The following EYS variants were observed in gnomAD, a reference collection of about 807,000 sequenced individuals.
EYS encodes EGF-like photoreceptor maintenance factor, also known as protein eyes shut homolog.
EYS carries 250 observed loss-of-function variants against 282.1 expected under a neutral mutation model. That is an observed-to-expected ratio of 0.89 (90% CI 0.80 to 0.98). The LOEUF is 0.98. Ranked by LOEUF, EYS falls within the 50% of genes least tolerant of loss-of-function variation. The pLI is 0.00. For missense variants in EYS, 4,016 were observed against 3,709.0 expected, an observed-to-expected ratio of 1.08 and a Z score of -2.15; for synonymous variants, 1,355 against 1,282.9, an observed-to-expected ratio of 1.06 and a Z score of -1.20.
At chr6:65,482,869 A>C (rs1582356056) in intron 5 of EYS, among the ~76,000 whole-genome samples, 1 of 152,332 alleles carries the variant, frequency 6.6e-6, no homozygotes, top group Admixed American at 6.5e-5. Flanking sequence ...GCTTTAATTT[A>C]GTGAAACTAA....
rs114490758 is a variant in EYS, at chr6:64,410,086, A to T, written c.5928-21246T>A. Among the ~76,000 whole-genome samples, 1,341 of 152,088 alleles carry T rather than the reference A, an allele frequency of 8.8e-3. 17 individuals are homozygous for T. The highest frequency in any genetic ancestry group is 0.03 in the African/African-American group (1,255 of 41,522). ...ATTAGGGCATTCATGGACTCTTAAGATTTAATAGGACTGTGTTAGTGCAGA... is the reference window on the plus strand; with the variant it reads ...ATTAGGGCATTCATGGACTCTTAAGTTTTAATAGGACTGTGTTAGTGCAGA... On this transcript the variant is annotated intron_variant, in intron 28 of 42. Transcript: ENST00000503581.
At chr6:65,199,917 T>G (rs1048462146) in intron 12 of EYS, among the ~76,000 whole-genome samples, 2 of 152,154 alleles carry the variant, frequency 1.3e-5, no homozygotes, top group Non-Finnish European at 2.9e-5. Flanking sequence ...TGGAGCATTC[T>G]ACAGAGTTTA....
chr6:65,649,850 T>C (rs1767590169), intron 1 of EYS, among the ~76,000 whole-genome samples: 1 of 152,036 alleles, frequency 6.6e-6, no homozygotes, highest in Non-Finnish European at 1.5e-5. Context: ...TAGATGACAA[T>C]GGGTGAAAGA....
chr6:63,954,709 C>T (rs1243603475), intron 35 of EYS, among the ~76,000 whole-genome samples: 1 of 152,128 alleles, frequency 6.6e-6, no homozygotes, highest in Non-Finnish European at 1.5e-5. Flanking sequence ...GTCACTCCTG[C>T]CTACTCCCCG....
chr6:64,987,381 A>T (rs1770895394), intron 14 of EYS, among the ~76,000 whole-genome samples: 1 of 151,634 alleles, frequency 6.6e-6, no homozygotes, highest in South Asian at 2.1e-4. Context: ...GGGGGATATT[A>T]AAAACACAGA....
intron 34 of EYS, among the ~76,000 whole-genome samples, chr6:63,988,288 C>A (rs1299286503): frequency 6.6e-6 from 1 of 151,578 alleles, no homozygotes; most frequent in Non-Finnish European, 1.5e-5. Flanking sequence ...GAAAAGTGAA[C>A]CTTTCACTGT....
In EYS at chr6:64,439,265, A is replaced by G; in HGVS notation, c.5732T>C (p.Phe1911Ser). 1 of 1,517,446 alleles carries G rather than the reference A, an allele frequency of 6.6e-7. No homozygotes were observed. The highest frequency in any genetic ancestry group is 8.8e-7 in the Non-Finnish European group (1 of 1,132,514). The allele number at this position is 1,517,446 out of a possible 1,614,324, so 94.0% of individuals were successfully genotyped here. The change falls in exon 27 of 43, where the codon TTT becomes TCT. Residue 1911 changes from phenylalanine (F) to serine (S), a missense_variant. Physicochemically the swap from Phe to Ser is radical, Grantham distance 155. Transcript: ENST00000503581. ...LNPQNNISLE[F>S]QTFSSYGLLL... ...AAGTCCATAGGAGCTGAAGGTCTGAAATTCTAGGGAGATGTTATTTTGTGG... is the reference window on the plus strand; with the variant it reads ...AAGTCCATAGGAGCTGAAGGTCTGAGATTCTAGGGAGATGTTATTTTGTGG...
intron 5 of EYS, among the ~76,000 whole-genome samples, chr6:65,472,957 G>T (rs1016059454): frequency 1.3e-5 from 2 of 151,766 alleles, no homozygotes; most frequent in Admixed American, 6.6e-5. Flanking sequence ...AATGACACCG[G>T]TTTAATGAAA....
chr6:64,719,002 G>T (rs1771486391), intron 22 of EYS, among the ~76,000 whole-genome samples: 1 of 152,278 alleles, frequency 6.6e-6, no homozygotes, highest in Admixed American at 6.5e-5. Flanking sequence ...AACCCTTAAA[G>T]GCAGACGATT....
chr6:63,784,415 G>T (rs76331729), intron 39 of EYS, among the ~76,000 whole-genome samples: 3 of 152,184 alleles, frequency 2.0e-5, no homozygotes, highest in African/African-American at 4.8e-5. Flanking sequence ...AGGGGTGTTA[G>T]TCCATTCTCA....
intron 22 of EYS, among the ~76,000 whole-genome samples, chr6:64,747,465 C>A (rs1845697): frequency 0.68 from 103,024 of 152,080 alleles, 37,197 homozygotes; most frequent in Non-Finnish European, 0.8. Context: ...ACCTCCGCCT[C>A]CCCGGTCCTG....
chr6:63,974,753 T>C (rs1766751488), intron 35 of EYS, among the ~76,000 whole-genome samples: 1 of 152,092 alleles, frequency 6.6e-6, no homozygotes, highest in Admixed American at 6.6e-5. Flanking sequence ...TTTGTTCTTA[T>C]TAAAATACAA....
intron 33 of EYS, among the ~76,000 whole-genome samples, chr6:64,002,906 T>A (rs965942951): frequency 6.6e-6 from 1 of 152,326 alleles, no homozygotes; most frequent in African/African-American, 2.4e-5. Context: ...TGAACATATG[T>A]TTTTTAATCT....
intron 26 of EYS, among the ~76,000 whole-genome samples, chr6:64,489,557 T>A (rs1313988716): frequency 1.4e-5 from 2 of 147,214 alleles, no homozygotes; most frequent in Non-Finnish European, 3.0e-5. Context: ...AATATAAAAA[T>A]TTTAATATAA....
At chr6:64,553,852 T>C (rs1199513146) in intron 26 of EYS, among the ~76,000 whole-genome samples, 1 of 152,160 alleles carries the variant, frequency 6.6e-6, no homozygotes, top group Admixed American at 6.5e-5. Context: ...ATCATTTTCA[T>C]ATTCCTAATA....
At chr6:65,286,894 G>GTAT (rs1313658187) in intron 12 of EYS, among the ~76,000 whole-genome samples, 1 of 151,552 alleles carries the variant, frequency 6.6e-6, no homozygotes, top group Non-Finnish European at 1.5e-5. Flanking sequence ...TATGGGTGCT[G>GTAT]TATTGTTGAT....
intron 35 of EYS, among the ~76,000 whole-genome samples, chr6:63,922,069 G>T (rs1764587737): frequency 6.6e-6 from 1 of 152,112 alleles, no homozygotes; most frequent in Non-Finnish European, 1.5e-5. Flanking sequence ...GAGCAAGAAG[G>T]TGGCCCTCTG....
At chr6:65,366,537 T>A (rs1764919720) in intron 8 of EYS, among the ~76,000 whole-genome samples, 1 of 151,758 alleles carries the variant, frequency 6.6e-6, no homozygotes, top group South Asian at 2.1e-4. Context: ...ATATTTACAT[T>A]CAAATTTATG....
chr6:64,783,548 T>C (rs753420987), intron 22 of EYS, among the ~76,000 whole-genome samples: 1 of 152,086 alleles, frequency 6.6e-6, no homozygotes, highest in Admixed American at 6.6e-5. Flanking sequence ...CTTATGTGGC[T>C]TTTCATATCT....
Sources: allele counts gnomAD v4.1 joint callset (sites outside exome capture counted in the v4.1 genomes callset), GRCh38; gene constraint gnomAD v4.1.1; transcripts MANE v1.5; gene names NCBI Gene and HGNC (gene_info 2026-07-23, HGNC 2026-07-21).